The following EBF2 variants were observed in gnomAD, a reference collection of about 807,000 sequenced individuals.
EBF2 encodes transcription factor COE2.
Under a neutral mutation model 72.8 loss-of-function variants are expected in EBF2, and 21 were observed. The observed-to-expected ratio is 0.29, with a 90% CI of 0.20 to 0.42. The LOEUF (loss-of-function observed/expected upper bound fraction) is 0.42. Among genes scored for constraint, EBF2 ranks in the 10% least tolerant of loss-of-function variants. The pLI, the probability that EBF2 is intolerant of heterozygous loss-of-function variation, is 1.00. For synonymous variants in EBF2, 299 were observed against 274.2 expected, an observed-to-expected ratio of 1.09 and a Z score of -0.89; for missense variants, 637 against 731.2, an observed-to-expected ratio of 0.87 and a Z score of 1.49.
chr8:25,980,040 A>G (rs1309647512), intron 6 of EBF2, among the ~76,000 whole-genome samples: 3 of 152,202 alleles, frequency 2.0e-5, no homozygotes, highest in Non-Finnish European at 4.4e-5. Context: ...AGGCTAATAA[A>G]AAGCAGGACT....
intron 6 of EBF2, among the ~76,000 whole-genome samples, chr8:25,954,812 C>A (rs1411344570): frequency 6.6e-6 from 1 of 152,188 alleles, no homozygotes; most frequent in Admixed American, 6.5e-5. Context: ...TGCTATGGCA[C>A]CCCGCAGTGC....
intron 15 of EBF2, among the ~76,000 whole-genome samples, chr8:25,850,176 G>A (rs1018679848): frequency 3.9e-5 from 6 of 152,122 alleles, no homozygotes; most frequent in Non-Finnish European, 5.9e-5. Flanking sequence ...GCAATGGCGC[G>A]ATCTCAGCTT....
intron 6 of EBF2, among the ~76,000 whole-genome samples, chr8:26,009,836 TA>T (rs1157818563): frequency 1.3e-5 from 2 of 152,280 alleles, no homozygotes; most frequent in African/African-American, 4.8e-5. Flanking sequence ...CTCACATAAA[TA>T]TCTGAGGAGA....
At chr8:26,008,410 T>A (rs536848046) in intron 6 of EBF2, among the ~76,000 whole-genome samples, 1 of 152,318 alleles carries the variant, frequency 6.6e-6, no homozygotes, top group East Asian at 1.9e-4. Context: ...TCATGTTCCG[T>A]GCCCATTAAA....
intron 7 of EBF2, among the ~76,000 whole-genome samples, chr8:25,893,348 C>T (rs2117296954): frequency 6.9e-6 from 1 of 145,462 alleles, no homozygotes; most frequent in Admixed American, 7.0e-5. Context: ...GTGCAGTGGC[C>T]TGATCTCAGC....
In EBF2 at chr8:25,908,569, G is replaced by C. The variant is rs750354342; in HGVS notation, c.552-14C>G. ...TTTAAAAAGAATCTGTGAAGAGAAA[G>C]CGATGTGTTACATTTTTCAGTAAAC... is the stretch of plus-strand genomic sequence containing the variant. On this transcript the variant is annotated splice_polypyrimidine_tract_variant and intron_variant, in intron 6 of 15. Transcript: ENST00000520164. 13 of 1,551,968 alleles carry C rather than the reference G, an allele frequency of 8.4e-6. No homozygotes were observed. Among genetic ancestry groups the C allele is most frequent in the Non-Finnish European group, 1.1e-5 (12 of 1,132,760 alleles).
At chr8:25,978,511 C>T (rs1804304082) in intron 6 of EBF2, among the ~76,000 whole-genome samples, 1 of 152,110 alleles carries the variant, frequency 6.6e-6, no homozygotes, top group South Asian at 2.1e-4. Context: ...CCCATGATGG[C>T]GATGAGGGGC....
intron 6 of EBF2, among the ~76,000 whole-genome samples, chr8:25,933,069 T>C (rs1249829854): frequency 6.6e-6 from 1 of 152,142 alleles, no homozygotes; most frequent in Non-Finnish European, 1.5e-5. Context: ...GGAAACGTTG[T>C]GAGTTGTTTT....
intron 6 of EBF2, among the ~76,000 whole-genome samples, chr8:25,958,150 T>C (rs959866037): frequency 6.6e-6 from 1 of 152,204 alleles, no homozygotes; most frequent in Non-Finnish European, 1.5e-5. Flanking sequence ...GAGGAACTGA[T>C]GGCTGCAGTT....
chr8:26,040,767 C>T, intron 3 of EBF2, 96 bp from the exon 4 acceptor site: 1 of 1,504,742 alleles, frequency 6.6e-7, no homozygotes. Context: ...CAAGCAGCCT[C>T]TCCATGCTGA....
chr8:25,957,146 A>T (rs1803961550), intron 6 of EBF2, among the ~76,000 whole-genome samples: 1 of 152,204 alleles, frequency 6.6e-6, no homozygotes, highest in African/African-American at 2.4e-5. Flanking sequence ...TTATGTCCAG[A>T]CTGCCTTCCA....
At chr8:25,991,074 C>T (rs544666402) in intron 6 of EBF2, among the ~76,000 whole-genome samples, 1 of 151,936 alleles carries the variant, frequency 6.6e-6, no homozygotes, top group African/African-American at 2.4e-5. Context: ...CCAAGGATCT[C>T]GAAGCAATTT....
At chr8:26,013,526 C>T (rs920761732) in intron 6 of EBF2, among the ~76,000 whole-genome samples, 3 of 152,194 alleles carry the variant, frequency 2.0e-5, no homozygotes, top group Non-Finnish European at 4.4e-5. Flanking sequence ...GCAAAACTCT[C>T]TTCTCTCCTT....
intron 6 of EBF2, among the ~76,000 whole-genome samples, chr8:26,005,444 TA>T (rs1216655155): frequency 4.0e-3 from 45 of 11,190 alleles, no homozygotes; most frequent in African/African-American, 0.012. Flanking sequence ...TATTATATTA[TA>T]AAATATATTA....
intron 7 of EBF2, among the ~76,000 whole-genome samples, chr8:25,902,162 T>A (rs1256663779): frequency 6.6e-6 from 1 of 152,218 alleles, no homozygotes; most frequent in Non-Finnish European, 1.5e-5. Flanking sequence ...AATGTGAATG[T>A]GGGAAATGAC....
intron 15 of EBF2, 46 bp from the exon 16 acceptor site, chr8:25,844,686 T>C: frequency 1.2e-6 from 2 of 1,611,500 alleles, no homozygotes; most frequent in Non-Finnish European, 1.7e-6. Context: ...GGACTTTTTA[T>C]GTTCAAGGCT....
intron 10 of EBF2, among the ~76,000 whole-genome samples, chr8:25,863,244 C>A (rs1563380007): frequency 6.6e-6 from 1 of 151,810 alleles, no homozygotes; most frequent in African/African-American, 2.4e-5. Context: ...CATATATAAA[C>A]CTTCTATGAG....
chr8:25,997,579 A>T (rs1203515408), intron 6 of EBF2, among the ~76,000 whole-genome samples: 2 of 152,136 alleles, frequency 1.3e-5, no homozygotes, highest in African/African-American at 4.8e-5. Context: ...CTCAAAAAAA[A>T]AAAAAAAAAG....
At chr8:25,866,054 CTG>C (rs1177537321) in intron 10 of EBF2, among the ~76,000 whole-genome samples, 7 of 151,766 alleles carry the variant, frequency 4.6e-5, no homozygotes, top group Admixed American at 4.6e-4. Flanking sequence ...CTGAAAGTAA[CTG>C]TTATTTTGTA....
Sources: gnomAD v4.1 joint callset for allele counts (sites outside exome capture counted in the v4.1 genomes callset) on GRCh38, gnomAD v4.1.1 for gene constraint, MANE v1.5 for transcripts, NCBI Gene and HGNC (gene_info 2026-07-23, HGNC 2026-07-21) for gene names.